MTUS2: variants seen among roughly 807,000 people sequenced by gnomAD.
MTUS2 encodes microtubule-associated tumor suppressor candidate 2.
MTUS2 carries 40 observed loss-of-function variants against 114.1 expected under a neutral mutation model. The observed-to-expected ratio is 0.35, with a 90% confidence interval of 0.27 to 0.46. MTUS2 has a LOEUF of 0.46. Ranked by LOEUF, MTUS2 falls within the 20% of genes least tolerant of loss-of-function variation. MTUS2 has a pLI of 1.00. For synonymous variants in MTUS2, 688 were observed against 672.0 expected (o/e 1.02, Z -0.37); for missense variants, 1,679 against 1,705.4 (o/e 0.98, Z 0.27).
intron 5 of MTUS2, among the ~76,000 whole-genome samples, chr13:29,231,685 C>A (rs1238496468): frequency 6.6e-6 from 1 of 152,196 alleles, no homozygotes; most frequent in Non-Finnish European, 1.5e-5. Flanking sequence ...TTCACAGTTG[C>A]AACAGCTATT....
intron 5 of MTUS2, among the ~76,000 whole-genome samples, chr13:29,257,426 A>G (rs1276850453): frequency 6.6e-6 from 1 of 152,222 alleles, no homozygotes; most frequent in Admixed American, 6.5e-5. Context: ...CTGGATTTTA[A>G]TGAATGAAAC....
At chr13:29,347,652 G>A (rs1284274271) in intron 7 of MTUS2, among the ~76,000 whole-genome samples, 1 of 152,086 alleles carries the variant, frequency 6.6e-6, no homozygotes, top group Non-Finnish European at 1.5e-5. Context: ...TTTGATTCAA[G>A]TATAACACTA....
intron 14 of MTUS2, among the ~76,000 whole-genome samples, chr13:29,500,449 G>A (rs977448150): frequency 6.6e-6 from 1 of 152,162 alleles, no homozygotes; most frequent in Non-Finnish European, 1.5e-5. Context: ...TCGAGGACAC[G>A]CTAACAGAGG....
At position 29,480,253 on chromosome 13, in the gene MTUS2, G is replaced by T; in HGVS notation, c.3288G>T (p.Glu1096Asp). The change falls in exon 10 of 16, where the codon GAG becomes GAT. Residue 1096 changes from glutamate (E) to aspartate (D), a missense_variant. Physicochemically the swap from Glu to Asp is conservative, Grantham distance 45. Coordinates refer to ENST00000612955, the MANE Select transcript of MTUS2 (RefSeq NM_001033602.4). This position sits in a 1 kb window ranked among gnomAD's most constrained non-coding sequence, Gnocchi z 4.4. ...GGCTGGGCTGGCAGCAGCAGGCCGAGCTCCAGGAGCTGGAGGAGCGGCTGC... is the reference window on the plus strand; with the variant it reads ...GGCTGGGCTGGCAGCAGCAGGCCGATCTCCAGGAGCTGGAGGAGCGGCTGC... ...VKRLGWQQQAELQELEERLQL... is the reference protein window; with the variant it reads ...VKRLGWQQQADLQELEERLQL... 1 of 1,553,698 alleles carries T rather than the reference G, an allele frequency of 6.4e-7. No individual in the cohort carries two copies. The highest frequency in any genetic ancestry group is 2.4e-5 in the East Asian group (1 of 41,148).
At chr13:28,982,525 A>G (rs1884404999) in intron 2 of MTUS2, among the ~76,000 whole-genome samples, 1 of 152,170 alleles carries the variant, frequency 6.6e-6, no homozygotes. Context: ...CTGGGTTTGT[A>G]TCCAAAAGCA....
intron 5 of MTUS2, among the ~76,000 whole-genome samples, chr13:29,105,898 G>A (rs1890646182): frequency 1.3e-5 from 2 of 152,126 alleles, no homozygotes; most frequent in African/African-American, 4.8e-5. Context: ...GAGATCTTTG[G>A]TAGGGGAGCG....
chr13:29,340,972 C>A (rs1901363495), intron 7 of MTUS2, among the ~76,000 whole-genome samples: 1 of 152,148 alleles, frequency 6.6e-6, no homozygotes. Flanking sequence ...CTGTGAATGC[C>A]ATTATTTCTT....
intron 2 of MTUS2, among the ~76,000 whole-genome samples, chr13:28,906,987 A>C (rs1880064817): frequency 6.6e-6 from 1 of 151,540 alleles, no homozygotes; most frequent in Admixed American, 6.6e-5. Context: ...AAAAAATGTT[A>C]AGGGCAGCCA....
chr13:29,455,358 C>A (rs142922949), intron 9 of MTUS2, among the ~76,000 whole-genome samples: 1 of 152,100 alleles, frequency 6.6e-6, no homozygotes, highest in Non-Finnish European at 1.5e-5. Context: ...CTGGGAAATA[C>A]GGGAATTCCA....
chr13:29,197,404 C>A (rs8001094), intron 5 of MTUS2, among the ~76,000 whole-genome samples: 12,726 of 152,028 alleles, frequency 0.084, 692 homozygotes, highest in African/African-American at 0.14. Context: ...ATAAACACAT[C>A]TTTTTATGGC....
At chr13:29,434,841 T>C (rs924482725) in intron 8 of MTUS2, among the ~76,000 whole-genome samples, 6 of 152,182 alleles carry the variant, frequency 3.9e-5, no homozygotes, top group Non-Finnish European at 7.3e-5. Context: ...GGATGATTAG[T>C]GGGTTGTCTG....
intron 2 of MTUS2, among the ~76,000 whole-genome samples, chr13:28,945,757 TACTC>T (rs1218405106): frequency 1.3e-5 from 2 of 152,210 alleles, no homozygotes; most frequent in Non-Finnish European, 2.9e-5. Flanking sequence ...TATTTTTACT[TACTC>T]CATAGGTTGT....
intron 8 of MTUS2, among the ~76,000 whole-genome samples, chr13:29,362,888 AG>A (rs749299850): frequency 4.6e-5 from 7 of 152,208 alleles, no homozygotes; most frequent in Non-Finnish European, 8.8e-5. Context: ...CTGGCAGAGT[AG>A]CTGTGAAAGT....
intron 4 of MTUS2, among the ~76,000 whole-genome samples, chr13:29,070,342 A>T (rs1479961041): frequency 6.6e-6 from 1 of 152,154 alleles, no homozygotes; most frequent in African/African-American, 2.4e-5. Context: ...CCTAAGAGAG[A>T]GTTCAAAGAA....
intron 2 of MTUS2, among the ~76,000 whole-genome samples, chr13:28,948,868 C>T (rs758559616): frequency 1.1e-4 from 17 of 152,120 alleles, no homozygotes; most frequent in Non-Finnish European, 2.1e-4. Context: ...ATCTCAAGTA[C>T]GGGTTGGTGG....
chr13:29,395,614 T>C (rs1038875899), intron 8 of MTUS2, among the ~76,000 whole-genome samples: 1 of 152,210 alleles, frequency 6.6e-6, no homozygotes, highest in African/African-American at 2.4e-5. Flanking sequence ...GCTGCACTTA[T>C]GCATGGCAAG....
At chr13:29,158,358 C>CCCCCCCCCTT in intron 5 of MTUS2, among the ~76,000 whole-genome samples, 17 of 32,048 alleles carry the variant, frequency 5.3e-4, no homozygotes, top group Admixed American at 8.4e-4. Context: ...GTCCACCCCG[C>CCCCCCCCCTT]TTTTTTTTTT....
chr13:29,246,961 A>C (rs1896949151), intron 5 of MTUS2, among the ~76,000 whole-genome samples: 1 of 152,132 alleles, frequency 6.6e-6, no homozygotes, highest in Non-Finnish European at 1.5e-5. Context: ...AGCCAAAGCA[A>C]GTCTAAGCAA....
chr13:29,248,940 G>C (rs1897025123), intron 5 of MTUS2, among the ~76,000 whole-genome samples: 1 of 152,066 alleles, frequency 6.6e-6, no homozygotes, highest in South Asian at 2.1e-4. Context: ...ATAAACATAT[G>C]TATGCATGTA....
Sources: gnomAD v4.1 joint callset for allele counts (sites outside exome capture counted in the v4.1 genomes callset) on GRCh38, gnomAD v4.1.1 for gene constraint, Gnocchi (gnomAD v3.1) non-coding constraint, MANE v1.5 for transcripts, NCBI Gene and HGNC (gene_info 2026-07-23, HGNC 2026-07-21) for gene names.